The following TRIT1 variants were observed in gnomAD, a reference collection of about 807,000 sequenced individuals.
The protein encoded by TRIT1 is tRNA dimethylallyltransferase.
Under a neutral mutation model 51.2 loss-of-function variants are expected in TRIT1, and 43 were observed. The ratio of observed to expected loss-of-function variants is 0.84; its 90% CI spans 0.66 to 1.08. The LOEUF (loss-of-function observed/expected upper bound fraction) is 1.08, where lower values mean the gene tolerates loss of function less well. Among genes scored for constraint, TRIT1 ranks in the 50% least tolerant of loss-of-function variants. The pLI is 0.00. For missense variants in TRIT1, 528 were observed against 578.4 expected, an observed-to-expected ratio of 0.91 and a Z score of 0.89; for synonymous variants, 184 against 203.9, an observed-to-expected ratio of 0.90 and a Z score of 0.83.
chr1:39,841,409 C>A lies in TRIT1; in HGVS notation c.*335G>T, dbSNP rs955596748. ...ACTTCTTTAAAGGGATGCAGTCAAT[C>A]CTGGTATTCACCACAAAGAAGATCC... is the stretch of plus-strand genomic sequence containing the variant. On this transcript the variant is annotated 3_prime_UTR_variant, in exon 11 of 11. Coordinates refer to ENST00000316891, the MANE Select transcript of TRIT1 (RefSeq NM_017646.6). 6 of 180,828 alleles carry A rather than the reference C, an allele frequency of 3.3e-5. No individual in the cohort carries two copies. 11.2% of individuals were successfully genotyped at this position (180,828 alleles called of 1,614,324 possible). A position where few individuals can be genotyped will look rare whatever the true frequency, so the allele number is the denominator to read the frequency against.
At chr1:39,858,803 G>C (rs1278755628) in intron 1 of TRIT1, among the ~76,000 whole-genome samples, 1 of 152,154 alleles carries the variant, frequency 6.6e-6, no homozygotes, top group African/African-American at 2.4e-5. Context: ...CATTTAATTT[G>C]TGCCTGACAG....
intron 8 of TRIT1, among the ~76,000 whole-genome samples, chr1:39,845,539 G>A (rs1206569474): frequency 1.3e-5 from 2 of 152,220 alleles, no homozygotes; most frequent in Non-Finnish European, 2.9e-5. Flanking sequence ...TTCATAAACT[G>A]GACTGGGCTG....
intron 1 of TRIT1, among the ~76,000 whole-genome samples, chr1:39,880,941 G>A (rs956816747): frequency 6.6e-6 from 1 of 152,082 alleles, no homozygotes; most frequent in East Asian, 1.9e-4. Flanking sequence ...TGTAAGGCTG[G>A]GTGCAGTGCC....
rs1642547530 is a variant in TRIT1 at position 39,851,222 on chromosome 1, CAAAAGAAAGATTAAAAA to C, written c.561-978_561-962del. 2.0e-5 allele frequency among the ~76,000 whole-genome samples: 3 copies of C among 151,536 alleles called. 1 individual carries two copies. The South Asian group carries it at 6.3e-4, about 32-fold the overall frequency. ...CTGGAGTTAAAATACAGCCTCAAGC[CAAAAGAAAGATTAAAAA>C]AAAAGAAAGTCCTCATTCTCTAAAT... On this transcript the variant is annotated intron_variant, in intron 4 of 10. Transcript: ENST00000316891.
chr1:39,857,525 G>T, intron 1 of TRIT1, 108 bp from the exon 2 acceptor site: 2 of 1,261,104 alleles, frequency 1.6e-6, no homozygotes, highest in South Asian at 1.4e-5. Context: ...ACACTTCACT[G>T]ACCCAAAGCA....
rs1282524232 is a variant in TRIT1, at chr1:39,883,188, A to G, written c.174+130T>C. On this transcript the variant is annotated intron_variant, in intron 1 of 10. Coordinates refer to ENST00000316891, the MANE Select transcript of TRIT1 (RefSeq NM_017646.6). ...TCTGGCATGCGGCGGGTGCTTAGTAAGTATGGGCTCCCTTTACCTACCCCC... is the reference window on the plus strand; with the variant it reads ...TCTGGCATGCGGCGGGTGCTTAGTAGGTATGGGCTCCCTTTACCTACCCCC... 7.6e-6 allele frequency: 7 copies of G among 925,932 alleles called. No individual in the cohort carries two copies. The Admixed American group carries it at 2.0e-4, about 27-fold the overall frequency. The allele number at this position is 925,932 out of a possible 1,614,324, so 57.4% of individuals were successfully genotyped here.
At chr1:39,860,992 G>A (rs865892860) in intron 1 of TRIT1, among the ~76,000 whole-genome samples, 16 of 152,126 alleles carry the variant, frequency 1.1e-4, no homozygotes, top group African/African-American at 2.4e-4. Flanking sequence ...CAGGAGAATC[G>A]CTTGAACCCG....
chr1:39,858,765 G>A (rs954170808), intron 1 of TRIT1, among the ~76,000 whole-genome samples: 6 of 152,102 alleles, frequency 3.9e-5, no homozygotes, highest in Non-Finnish European at 8.8e-5. Flanking sequence ...AGAGCCATAA[G>A]GAAAGCATCA....
At chr1:39,848,147 T>A (rs1214404629) in intron 5 of TRIT1, 50 bp from the exon 6 acceptor site, 1 of 1,385,976 alleles carries the variant, frequency 7.2e-7, no homozygotes, top group South Asian at 1.2e-5. Context: ...AGGTACCTAC[T>A]ATATACTTAC....
intron 1 of TRIT1, among the ~76,000 whole-genome samples, chr1:39,858,634 C>T (rs896558126): frequency 2.6e-5 from 4 of 152,282 alleles, no homozygotes; most frequent in Admixed American, 6.5e-5. Context: ...CTGTTTAATA[C>T]TCAGAAGGCT....
rs1642273655 is a variant in TRIT1 at position 39,847,171 on chromosome 1, T to C, written c.1006+49A>G. On this transcript the variant is annotated intron_variant, in intron 8 of 10. Transcript: ENST00000316891. ...TTTCTGGGTGAGCTGAGGACATCTATATTCTATTGAAAACAGACCCATAGG... is the reference window on the plus strand; with the variant it reads ...TTTCTGGGTGAGCTGAGGACATCTACATTCTATTGAAAACAGACCCATAGG... 10 of 1,470,402 alleles carry C rather than the reference T, an allele frequency of 6.8e-6. No individual in the cohort carries two copies. The East Asian group carries it at 2.3e-4, about 33-fold the overall frequency. The allele number at this position is 1,470,402 out of a possible 1,614,324, so 91.1% of individuals were successfully genotyped here. A position where few individuals can be genotyped will look rare whatever the true frequency, so the allele number is the denominator to read the frequency against.
chr1:39,868,050 T>G (rs1021996608), intron 1 of TRIT1, among the ~76,000 whole-genome samples: 1 of 151,878 alleles, frequency 6.6e-6, no homozygotes, highest in Non-Finnish European at 1.5e-5. Context: ...GTTCATGCCA[T>G]TCTCCTGCCT....
intron 8 of TRIT1, 97 bp downstream of exon 8, chr1:39,847,123 C>A: frequency 1.0e-6 from 1 of 953,088 alleles, no homozygotes. Context: ...AATCTTAGAA[C>A]AGGCCCAGAA....
chr1:39,847,569 T>C lies in TRIT1; in HGVS notation c.907A>G (p.Ser303Gly), dbSNP rs975655449. 2 of 1,614,142 alleles carry C rather than the reference T, an allele frequency of 1.2e-6. No individual in the cohort carries two copies. Among genetic ancestry groups the C allele is most frequent in the Non-Finnish European group, 1.7e-6 (2 of 1,180,050 alleles). ...ITEGKCTLET[S>G]NQLLKKGIEA... ...ACACCTTTCTTTAGAAGCTGGTTAC[T>C]AGTCTCCAGTGTGCATTTTCCCTCA... Residue 303 changes from serine (S) to glycine (G), a missense_variant, in exon 7 of 11, where the codon AGT (serine) becomes GGT (glycine). Ser to Gly is a moderately conservative substitution (Grantham distance 56, BLOSUM62 0). Coordinates refer to ENST00000316891, the MANE Select transcript of TRIT1 (RefSeq NM_017646.6).
intron 1 of TRIT1, among the ~76,000 whole-genome samples, chr1:39,879,155 G>T (rs540372405): frequency 1.1e-4 from 17 of 152,234 alleles, no homozygotes; most frequent in African/African-American, 4.1e-4. Context: ...TATAGTCCCA[G>T]CTACTCGGGA....
At chr1:39,845,035 A>AG (rs1423343180) in intron 8 of TRIT1, among the ~76,000 whole-genome samples, 1 of 152,254 alleles carries the variant, frequency 6.6e-6, no homozygotes. Flanking sequence ...CTGTGGCAAG[A>AG]GAATTCACAG....
At chr1:39,871,220 CTA>C (rs1212020316) in intron 1 of TRIT1, among the ~76,000 whole-genome samples, 1 of 150,578 alleles carries the variant, frequency 6.6e-6, no homozygotes, top group Non-Finnish European at 1.5e-5. Context: ...ACTAGACAAA[CTA>C]TGGTACATCC....
At chr1:39,878,368 A>G (rs116918156) in intron 1 of TRIT1, among the ~76,000 whole-genome samples, 1 of 152,244 alleles carries the variant, frequency 6.6e-6, no homozygotes, top group Non-Finnish European at 1.5e-5. Context: ...ACAAAAACAA[A>G]TACTTTCTCT....
At chr1:39,859,377 T>C (rs756864713) in intron 1 of TRIT1, among the ~76,000 whole-genome samples, 2 of 142,650 alleles carry the variant, frequency 1.4e-5, no homozygotes, top group Non-Finnish European at 3.0e-5. Context: ...CTTGAGCTCA[T>C]GAGTTCAAGA....
Sources: gnomAD v4.1 joint callset for allele counts (sites outside exome capture counted in the v4.1 genomes callset) on GRCh38, gnomAD v4.1.1 for gene constraint, MANE v1.5 for transcripts, NCBI Gene and HGNC (gene_info 2026-07-23, HGNC 2026-07-21) for gene names.